The following ZNF227 variants were observed in gnomAD, a reference collection of about 807,000 sequenced individuals.
ZNF227 encodes the protein zinc finger protein 227.
Under a neutral mutation model 13.2 loss-of-function variants are expected in ZNF227, and 12 were observed. The ratio of observed to expected loss-of-function variants is 0.91; its 90% CI spans 0.58 to 1.47. The LOEUF (loss-of-function observed/expected upper bound fraction) is 1.47, where lower values mean the gene tolerates loss of function less well. Ranked by LOEUF, ZNF227 falls within the 40% of genes most tolerant of loss-of-function variation. The probability of loss-of-function intolerance (pLI) is 0.00; values close to 1 mark genes in which losing one functional copy is unlikely to be tolerated. For missense variants in ZNF227, 885 were observed against 967.5 expected, an observed-to-expected ratio of 0.91 and a Z score of 1.13; for synonymous variants, 338 against 326.0, an observed-to-expected ratio of 1.04 and a Z score of -0.40.
Position 44,237,037 on chromosome 19 carries a change from G to A in ZNF227, c.*207G>A. 2.0e-6 allele frequency: 1 copy of A among 501,812 alleles called. No homozygotes were observed. Among genetic ancestry groups the A allele is most frequent in the Non-Finnish European group, 3.5e-6 (1 of 287,084 alleles). The allele number at this position is 501,812 out of a possible 1,614,324, so 31.1% of individuals were successfully genotyped here. On this transcript the variant is annotated 3_prime_UTR_variant, in exon 6 of 6. Coordinates refer to ENST00000313040, the MANE Select transcript of ZNF227 (RefSeq NM_182490.3). ...ATTTAGGGGAGAAATAGGGCTGGTG[G>A]CTCTCTTGGTAAGATCTAGTTAATA... is the stretch of plus-strand genomic sequence containing the variant.
intron 5 of ZNF227, among the ~76,000 whole-genome samples, chr19:44,232,732 A>G (rs1386682182): frequency 6.6e-6 from 1 of 150,886 alleles, no homozygotes; most frequent in Non-Finnish European, 1.5e-5. Flanking sequence ...CAGTGGTGCA[A>G]TCTTGGCTCA....
intron 3 of ZNF227, among the ~76,000 whole-genome samples, chr19:44,218,542 G>A (rs190970647): frequency 1.6e-4 from 24 of 152,186 alleles, no homozygotes; most frequent in East Asian, 9.6e-4. Context: ...TATTTTTCCC[G>A]TTTATGTTTT....
chr19:44,209,974 C>A (rs975421393), upstream of ZNF227, among the ~76,000 whole-genome samples: 5 of 152,202 alleles, frequency 3.3e-5, no homozygotes, highest in Non-Finnish European at 7.3e-5. Flanking sequence ...TTACCATGTG[C>A]TTAGCACCCA....
chr19:44,213,493 C>T (rs1034909470), intron 2 of ZNF227: 2 of 152,190 alleles, frequency 1.3e-5, no homozygotes, highest in African/African-American at 4.8e-5. Flanking sequence ...GGAAATTAGG[C>T]AGAGTTTATG....
intron 3 of ZNF227, among the ~76,000 whole-genome samples, chr19:44,221,183 A>G (rs1382368006): frequency 3.3e-5 from 5 of 152,150 alleles, no homozygotes; most frequent in Non-Finnish European, 7.3e-5. Context: ...GTAGCCATAA[A>G]AAATGATGAG....
rs967379312 is a variant in ZNF227 at position 44,217,788 on chromosome 19, C to T, written c.-2-3C>T. ...GTCTCATGGCGTCTTTGGTCTCCCCCAGTTATGCCATCTCAGAACTATGAC... is the reference window on the plus strand; with the variant it reads ...GTCTCATGGCGTCTTTGGTCTCCCCTAGTTATGCCATCTCAGAACTATGAC... On this transcript the variant is annotated splice_polypyrimidine_tract_variant and splice_region_variant and intron_variant, in intron 2 of 5. Transcript: ENST00000313040. 5.0e-6 allele frequency: 8 copies of T among 1,614,116 alleles called. No homozygotes were observed. Among genetic ancestry groups the T allele is most frequent in the South Asian group, 2.2e-5 (2 of 91,090 alleles).
At position 44,236,713 on chromosome 19, in the gene ZNF227, C is replaced by G. The variant is rs577852219; in HGVS notation, c.2283C>G (p.Ala761=). 1.2e-6 allele frequency: 2 copies of G among 1,613,330 alleles called. No individual in the cohort carries two copies. Among genetic ancestry groups the G allele is most frequent in the East Asian group, 2.2e-5 (1 of 44,822 alleles). ...KGFSQSARLE[A]HQRVHTGEKP... ...TCAGTCAGAGTGCACGTCTTGAAGC[C>G]CATCAGAGAGTCCACACTGGAGAAA... Residue 761 remains alanine (A), a synonymous_variant, in exon 6 of 6, where the codon GCC becomes GCG. Transcript: ENST00000313040.
intron 5 of ZNF227, among the ~76,000 whole-genome samples, chr19:44,232,671 T>G (rs1973964673): frequency 6.6e-6 from 1 of 151,770 alleles, no homozygotes; most frequent in Non-Finnish European, 1.5e-5. Flanking sequence ...CTTGTTTTTT[T>G]GTTTTTTTTT....
chr19:44,224,446 G>C (rs1223441408), intron 3 of ZNF227, among the ~76,000 whole-genome samples: 2 of 152,076 alleles, frequency 1.3e-5, no homozygotes, highest in Non-Finnish European at 2.9e-5. Context: ...TATCAATCTG[G>C]GTGCTCCTGT....
At chr19:44,223,671 C>T (rs1246686749) in intron 3 of ZNF227, among the ~76,000 whole-genome samples, 1 of 151,928 alleles carries the variant, frequency 6.6e-6, no homozygotes, top group Non-Finnish European at 1.5e-5. Flanking sequence ...CTTTATTAGT[C>T]TTGCTAGCGG....
chr19:44,233,686 G>A (rs8102037), intron 5 of ZNF227, among the ~76,000 whole-genome samples: 92,419 of 151,880 alleles, frequency 0.61, 28,515 homozygotes, highest in African/African-American at 0.71. Context: ...ACTTGAGGTC[G>A]GGAGTTCGAG....
At position 44,237,257 on chromosome 19, in the gene ZNF227, A is replaced by G. The variant is rs1974600346; in HGVS notation, c.*427A>G. 6.2e-6 allele frequency: 1 copy of G among 160,586 alleles called. No homozygotes were observed. Among genetic ancestry groups the G allele is most frequent in the African/African-American group, 2.4e-5 (1 of 41,546 alleles). The allele number at this position is 160,586 out of a possible 1,614,324, so 9.9% of individuals were successfully genotyped here. On this transcript the variant is annotated 3_prime_UTR_variant, in exon 6 of 6. Coordinates refer to ENST00000313040, the MANE Select transcript of ZNF227 (RefSeq NM_182490.3). ...TATGAAAAATGAATAAAATTACTAA[A>G]AATTTTCTGTAGCTAAGGACTCATG...
At chr19:44,215,988 C>CT (rs1971838476) in intron 2 of ZNF227, among the ~76,000 whole-genome samples, 4 of 61,328 alleles carry the variant, frequency 6.5e-5, no homozygotes, top group African/African-American at 1.5e-4. Context: ...AACTCTCTCT[C>CT]TAAAAAAAAA....
Position 44,236,803 on chromosome 19 carries a change from G to A in ZNF227, c.2373G>A (p.Gln791=). 2 of 1,592,920 alleles carry A rather than the reference G, an allele frequency of 1.3e-6. No homozygotes were observed. The highest frequency in any genetic ancestry group is 1.7e-6 in the Non-Finnish European group (2 of 1,170,082). ...ACCGTTCACGTCTTACATATCATCA[G>A]AAAGTCCATACTGGTAAAAAGCTTT... ...FRHRSRLTYH[Q]KVHTGKKL is the part of the protein sequence containing the mutation. Residue 791 remains glutamine, a synonymous_variant, in exon 6 of 6, where the codon CAG becomes CAA. Coordinates refer to ENST00000313040, the MANE Select transcript of ZNF227 (RefSeq NM_182490.3).
intron 5 of ZNF227, 109 bp from the exon 6 acceptor site, chr19:44,234,593 C>T: frequency 5.7e-6 from 6 of 1,044,084 alleles, no homozygotes; most frequent in Non-Finnish European, 8.2e-6. Flanking sequence ...CACCTTTCGC[C>T]TGGTTTATCA....
At chr19:44,212,184 A>C (rs184098824), upstream of ZNF227, among the ~76,000 whole-genome samples, 77 of 151,960 alleles carry the variant, frequency 5.1e-4, no homozygotes, top group African/African-American at 1.7e-3. Context: ...TAGGGCTCCA[A>C]TTCTTCACAT....
intron 2 of ZNF227, among the ~76,000 whole-genome samples, chr19:44,214,744 G>A (rs1314619821): frequency 1.3e-5 from 2 of 151,864 alleles, no homozygotes; most frequent in Non-Finnish European, 2.9e-5. Context: ...CCAACACTCA[G>A]GTTCAACATT....
At chr19:44,229,670 C>T (rs570161777) in intron 4 of ZNF227, 63 bp from the exon 5 acceptor site, 2 of 1,152,780 alleles carry the variant, frequency 1.7e-6, no homozygotes, top group South Asian at 1.8e-5. Flanking sequence ...TTATAGGGTT[C>T]AGACAAAAAT....
chr19:44,226,852 C>A (rs1300551706), intron 3 of ZNF227, among the ~76,000 whole-genome samples: 5 of 152,166 alleles, frequency 3.3e-5, no homozygotes, highest in Admixed American at 3.3e-4. Flanking sequence ...GCAGAAATCA[C>A]CCGTCTTCTG....
Sources: allele counts gnomAD v4.1 joint callset (sites outside exome capture counted in the v4.1 genomes callset), GRCh38; gene constraint gnomAD v4.1.1; transcripts MANE v1.5; gene names NCBI Gene and HGNC (gene_info 2026-07-23, HGNC 2026-07-21).